Variants in BRINP3 observed in about 807,000 individuals in gnomAD.
BRINP3 encodes BMP/retinoic acid-inducible neural-specific protein 3.
BRINP3 carries 19 observed loss-of-function variants against 71.0 expected under a neutral mutation model. The ratio of observed to expected loss-of-function variants is 0.27; its 90% CI spans 0.19 to 0.39. The LOEUF (loss-of-function observed/expected upper bound fraction) is 0.39. Among genes scored for constraint, BRINP3 ranks in the 10% least tolerant of loss-of-function variants. BRINP3 has a pLI of 1.00. For missense variants in BRINP3, 959 were observed against 940.8 expected (o/e 1.02, Z -0.25); for synonymous variants, 380 against 337.7 (o/e 1.13, Z -1.37).
At chr1:190,393,180 C>A (rs1414101075) in intron 2 of BRINP3, among the ~76,000 whole-genome samples, 2 of 151,532 alleles carry the variant, frequency 1.3e-5, no homozygotes, top group African/African-American at 4.8e-5. Context: ...ATATATTAAG[C>A]ACACATTTAC....
chr1:190,455,052 G>A (rs1165136834), intron 1 of BRINP3, 112 bp from the exon 2 acceptor site: 1 of 550,420 alleles, frequency 1.8e-6, no homozygotes, highest in Non-Finnish European at 3.2e-6. Context: ...TTTTAAATTA[G>A]TATTATCAGC....
intron 4 of BRINP3, among the ~76,000 whole-genome samples, chr1:190,248,493 A>C (rs2102803192): frequency 6.6e-6 from 1 of 151,618 alleles, no homozygotes; most frequent in South Asian, 2.1e-4. Flanking sequence ...TCATTCTTTC[A>C]TTCTCCTATC....
At chr1:190,201,084 C>A (rs568071667) in intron 6 of BRINP3, among the ~76,000 whole-genome samples, 1 of 151,930 alleles carries the variant, frequency 6.6e-6, no homozygotes. Context: ...CAGAAAAAGA[C>A]AGAAAAAATG....
chr1:190,151,462 T>G (rs1171533793), intron 7 of BRINP3, among the ~76,000 whole-genome samples: 1 of 152,188 alleles, frequency 6.6e-6, no homozygotes, highest in African/African-American at 2.4e-5. Flanking sequence ...GTTTATCAAT[T>G]TGTACTCCAT....
chr1:190,180,098 A>T (rs950849586), intron 6 of BRINP3, among the ~76,000 whole-genome samples: 1 of 152,132 alleles, frequency 6.6e-6, no homozygotes, highest in Non-Finnish European at 1.5e-5. Flanking sequence ...ATAACCCAAC[A>T]TGCCTTTGAC....
At chr1:190,439,555 G>A (rs933185806) in intron 2 of BRINP3, among the ~76,000 whole-genome samples, 1 of 151,836 alleles carries the variant, frequency 6.6e-6, no homozygotes, top group Non-Finnish European at 1.5e-5. Context: ...ATGTGTATGG[G>A]TGTTTGAATG....
chr1:190,280,201 C>T (rs1662929464), intron 3 of BRINP3, among the ~76,000 whole-genome samples: 1 of 151,726 alleles, frequency 6.6e-6, no homozygotes, highest in African/African-American at 2.4e-5. Context: ...AAAGGCCTCC[C>T]TGAAAAAATA....
intron 2 of BRINP3, among the ~76,000 whole-genome samples, chr1:190,376,988 G>A (rs1184050392): frequency 6.6e-6 from 1 of 151,912 alleles, no homozygotes; most frequent in Non-Finnish European, 1.5e-5. Flanking sequence ...CAATTTGATG[G>A]TCATTAACCA....
At chr1:190,379,910 A>G (rs1670431535) in intron 2 of BRINP3, among the ~76,000 whole-genome samples, 1 of 147,882 alleles carries the variant, frequency 6.8e-6, no homozygotes, top group Non-Finnish European at 1.5e-5. Flanking sequence ...GAGGCAGGAG[A>G]ATTGCTTGAA....
intron 7 of BRINP3, among the ~76,000 whole-genome samples, chr1:190,148,574 GAC>G (rs925616949): frequency 1.8e-4 from 27 of 150,660 alleles, no homozygotes; most frequent in Middle Eastern, 3.4e-3. Context: ...CAGCCAGGGC[GAC>G]AGAGTTGAGA....
chr1:190,114,835 G>A (rs1403749910), intron 7 of BRINP3, among the ~76,000 whole-genome samples: 1 of 151,978 alleles, frequency 6.6e-6, no homozygotes, highest in Non-Finnish European at 1.5e-5. Context: ...CTCTATCTGA[G>A]CATTTACATT....
At chr1:190,359,940 G>A (rs1669023588) in intron 2 of BRINP3, among the ~76,000 whole-genome samples, 1 of 152,012 alleles carries the variant, frequency 6.6e-6, no homozygotes. Flanking sequence ...ATATGTGTGC[G>A]GGTGACATAC....
chr1:190,421,325 ATTG>A (rs1673370795), intron 2 of BRINP3, among the ~76,000 whole-genome samples: 1 of 139,988 alleles, frequency 7.1e-6, no homozygotes, highest in African/African-American at 2.5e-5. Flanking sequence ...TATTATTATT[ATTG>A]CCAGTTGAGG....
intron 7 of BRINP3, among the ~76,000 whole-genome samples, chr1:190,146,988 T>G (rs1448724084): frequency 6.6e-6 from 1 of 152,042 alleles, no homozygotes; most frequent in Non-Finnish European, 1.5e-5. Flanking sequence ...AGATTTTTAT[T>G]ACATTTATTT....
chr1:190,163,378 C>T (rs560502961), intron 6 of BRINP3, among the ~76,000 whole-genome samples: 1 of 151,902 alleles, frequency 6.6e-6, no homozygotes, highest in Non-Finnish European at 1.5e-5. Flanking sequence ...GTAAAAATTA[C>T]CCAGAAAAAG....
At chr1:190,160,586 A>G in intron 7 of BRINP3, 82 bp downstream of exon 7, 1 of 1,117,126 alleles carries the variant, frequency 9.0e-7, no homozygotes, top group Non-Finnish European at 1.3e-6. Context: ...TTGTATATTA[A>G]CACACCTGCA....
chr1:190,224,302 A>G (rs1283382176), intron 6 of BRINP3, among the ~76,000 whole-genome samples: 1 of 151,874 alleles, frequency 6.6e-6, no homozygotes. Flanking sequence ...ACATAGACCA[A>G]TGGAATAGAA....
intron 4 of BRINP3, among the ~76,000 whole-genome samples, chr1:190,240,309 TTAGAG>T (rs1386739116): frequency 6.6e-6 from 1 of 152,100 alleles, no homozygotes; most frequent in African/African-American, 2.4e-5. Flanking sequence ...GAAATGCTTT[TTAGAG>T]TATTTTCAAA....
chr1:190,324,314 A>G (rs1182438836), intron 2 of BRINP3, among the ~76,000 whole-genome samples: 1 of 151,958 alleles, frequency 6.6e-6, no homozygotes, highest in Non-Finnish European at 1.5e-5. Context: ...ATGTTCCATC[A>G]TAATTTTGGA....
Sources: gnomAD v4.1 joint callset for allele counts (sites outside exome capture counted in the v4.1 genomes callset) on GRCh38, gnomAD v4.1.1 for gene constraint, MANE v1.5 for transcripts, NCBI Gene and HGNC (gene_info 2026-07-23, HGNC 2026-07-21) for gene names.